The following FAAH2 variants were observed in gnomAD, a reference collection of about 807,000 sequenced individuals.
The protein encoded by FAAH2 is fatty-acid amide hydrolase 2.
Under a neutral mutation model 36.9 loss-of-function variants are expected in FAAH2, and 60 were observed. The observed-to-expected ratio is 1.63, with a 90% confidence interval of 1.32 to 2.02. The LOEUF (loss-of-function observed/expected upper bound fraction) is 2.02. Ranked by LOEUF, FAAH2 falls within the 30% of genes most tolerant of loss-of-function variation. FAAH2 has a pLI of 0.00. For missense variants in FAAH2, 689 were observed against 397.5 expected (o/e 1.73, Z -6.23); for synonymous variants, 214 against 143.8 (o/e 1.49, Z -3.49).
chrX:57,456,167 A>G (rs1250757499), intron 10 of FAAH2, among the ~76,000 whole-genome samples: 2 of 112,040 alleles, frequency 1.8e-5, no homozygotes, highest in Non-Finnish European at 3.8e-5. Flanking sequence ...CTACCAGAAA[A>G]TGGAAATTAA....
Position 57,394,726 on chromosome X carries a change from A to G in FAAH2, c.996+13697A>G, listed in dbSNP as rs139224105. 41 of 863,582 alleles carry G rather than the reference A, an allele frequency of 4.7e-5. No individual in the cohort carries two copies. The East Asian group carries it at 1.2e-3, about 26-fold the overall frequency. 71.2% of individuals were successfully genotyped at this position (863,582 alleles called of 1,213,427 possible). ...ATAATTGATTCCACAGTTGATGACT[A>G]TTGCTAGGTTTGATCCATTCCCCTT... On this transcript the variant is annotated intron_variant, in intron 7 of 10. Transcript: ENST00000374900.
At chrX:57,179,915 A>G in the FAAH2 span, among the ~76,000 whole-genome samples, 2 of 112,277 alleles carry the variant, frequency 1.8e-5, no homozygotes, top group Non-Finnish European at 3.8e-5. Flanking sequence ...TAATAACAAC[A>G]CCCTCAGATA....
the FAAH2 span, among the ~76,000 whole-genome samples, chrX:57,154,151 G>A: frequency 9.1e-6 from 1 of 110,097 alleles, no homozygotes; most frequent in Non-Finnish European, 1.9e-5. Context: ...TTTTATTGCT[G>A]ACACCTTCTA....
intron 5 of FAAH2, among the ~76,000 whole-genome samples, chrX:57,355,143 C>T (rs776780936): frequency 6.7e-4 from 74 of 110,410 alleles, no homozygotes; most frequent in Non-Finnish European, 1.2e-3. Context: ...TCTCAGTTTC[C>T]CCACCTTTGA....
intron 6 of FAAH2, among the ~76,000 whole-genome samples, chrX:57,380,073 G>T (rs2054801315): frequency 9.0e-6 from 1 of 110,805 alleles, no homozygotes; most frequent in Non-Finnish European, 1.9e-5. Flanking sequence ...ATGGAAAATG[G>T]GGTAGGTATC....
chrX:57,423,047 G>T (rs1387823238), intron 7 of FAAH2, among the ~76,000 whole-genome samples: 1 of 111,692 alleles, frequency 9.0e-6, no homozygotes, highest in Non-Finnish European at 1.9e-5. Flanking sequence ...GGAAATCCAG[G>T]CCACGAGGGA....
At chrX:57,424,776 T>C (rs776304941) in intron 7 of FAAH2, among the ~76,000 whole-genome samples, 14 of 111,271 alleles carry the variant, frequency 1.3e-4, no homozygotes, top group Non-Finnish European at 2.1e-4. Context: ...AGAGAAAATA[T>C]CTCCAGATGA....
At chrX:57,431,849 G>T in intron 7 of FAAH2, 69 bp from the exon 8 acceptor site, 1 of 862,819 alleles carries the variant, frequency 1.2e-6, no homozygotes, top group Non-Finnish European at 1.5e-6. Flanking sequence ...CCATCTTGCT[G>T]ATGTCACTCT....
chrX:57,465,833 A>C (rs2057037452), intron 10 of FAAH2, among the ~76,000 whole-genome samples: 1 of 110,630 alleles, frequency 9.0e-6, no homozygotes, highest in African/African-American at 3.3e-5. Context: ...AATAATACCC[A>C]AAACAATTAT....
the FAAH2 span, among the ~76,000 whole-genome samples, chrX:57,193,583 C>G: frequency 9.0e-6 from 1 of 111,433 alleles, no homozygotes; most frequent in Non-Finnish European, 1.9e-5. Context: ...ATCACGGAAC[C>G]TACCGACATA....
chrX:57,196,015 G>T, the FAAH2 span, among the ~76,000 whole-genome samples: 2 of 112,082 alleles, frequency 1.8e-5, no homozygotes, highest in Non-Finnish European at 3.8e-5. Flanking sequence ...TTATAGTATA[G>T]TTTGAAGTTG....
chrX:57,387,193 G>T (rs2055046207), intron 7 of FAAH2, among the ~76,000 whole-genome samples: 1 of 110,451 alleles, frequency 9.1e-6, no homozygotes, highest in East Asian at 2.8e-4. Context: ...TGAAATCCAG[G>T]GCAATCTCTT....
chrX:57,286,923 G>C lies in FAAH2; in HGVS notation c.98G>C (p.Gly33Ala), dbSNP rs2051824161. ...LVGRAALVLG[G>A]PKFASKTPRP... ...GGCCGAGCAGCTTTAGTCTTAGGGG[G>C]TCCAAAGTTTGCCTCAAAGACCCCT... Residue 33 changes from glycine to alanine, a missense_variant, in exon 1 of 11, where the codon GGT becomes GCT. Transcript: ENST00000374900. The C allele has an allele frequency of 8.3e-7, 1 of 1,207,084 alleles. No individual in the cohort carries two copies. Among genetic ancestry groups the C allele is most frequent in the Non-Finnish European group, 1.1e-6 (1 of 893,516 alleles).
At position 57,489,053 on chromosome X, in the gene FAAH2, T is replaced by G; in HGVS notation, c.*121T>G. 1.4e-6 allele frequency: 1 copy of G among 709,869 alleles called. No individual in the cohort carries two copies. The highest frequency in any genetic ancestry group is 3.6e-5 in the East Asian group (1 of 27,496). 58.5% of individuals were successfully genotyped at this position (709,869 alleles called of 1,213,427 possible). On this transcript the variant is annotated 3_prime_UTR_variant, in exon 11 of 11. Transcript: ENST00000374900. The stretch of plus-strand genomic sequence containing the variant: ...AGAAACAACTGGGGAATTTATTGAC[T>G]CATTTAGTTATTCTTTCTACTTTTA...
chrX:57,214,745 G>T, the FAAH2 span, among the ~76,000 whole-genome samples: 5 of 111,453 alleles, frequency 4.5e-5, no homozygotes, highest in Non-Finnish European at 9.4e-5. Context: ...ACTTTACATT[G>T]TTACTATACA....
At chrX:57,481,324 G>C (rs2057374482) in intron 10 of FAAH2, among the ~76,000 whole-genome samples, 1 of 110,675 alleles carries the variant, frequency 9.0e-6, no homozygotes, top group Non-Finnish European at 1.9e-5. Flanking sequence ...AGGCTTTCTG[G>C]TTTTTGGAAT....
the FAAH2 span, among the ~76,000 whole-genome samples, chrX:57,266,201 T>C: frequency 8.9e-6 from 1 of 111,738 alleles, no homozygotes; most frequent in Non-Finnish European, 1.9e-5. Context: ...CCTACAGGTG[T>C]GTTCGGGCTG....
At position 57,310,617 on chromosome X, in the gene FAAH2, T is replaced by C. The variant is rs1203272621; in HGVS notation, c.300T>C (p.Ala100=). Residue 100 remains alanine, a synonymous_variant, in exon 3 of 11, where the codon GCT becomes GCC. Coordinates refer to ENST00000374900, the MANE Select transcript of FAAH2 (RefSeq NM_174912.4). ...GGTTTGAGGAAGCGATGAAGGAGGC[T>C]CATGCTGTAGATCAAAAGCTTGCAG... ...KYRFEEAMKE[A]HAVDQKLAEK... The C allele has an allele frequency of 2.5e-6, 3 of 1,208,280 alleles. No individual in the cohort carries two copies. Among genetic ancestry groups the C allele is most frequent in the African/African-American group, 1.7e-5 (1 of 57,755 alleles).
At chrX:57,435,769 A>C (rs1000500504) in intron 8 of FAAH2, among the ~76,000 whole-genome samples, 3 of 111,129 alleles carry the variant, frequency 2.7e-5, no homozygotes, top group Non-Finnish European at 5.7e-5. Flanking sequence ...CTGCGCACTC[A>C]CAGCATTAGA....
Sources: allele counts gnomAD v4.1 joint callset (sites outside exome capture counted in the v4.1 genomes callset), GRCh38; gene constraint gnomAD v4.1.1; transcripts MANE v1.5; gene names NCBI Gene and HGNC (gene_info 2026-07-23, HGNC 2026-07-21).